The following TTC27 variants were observed in gnomAD, a reference collection of about 807,000 sequenced individuals.
TTC27 encodes tetratricopeptide repeat protein 27.
A neutral mutation model predicts 115.9 loss-of-function variants in TTC27; 79 were observed. The ratio of observed to expected loss-of-function variants is 0.68; its 90% CI spans 0.57 to 0.82. The LOEUF (loss-of-function observed/expected upper bound fraction) is 0.82, where lower values mean the gene tolerates loss of function less well. Among genes scored for constraint, TTC27 ranks in the 40% least tolerant of loss-of-function variants. The pLI, the probability that TTC27 is intolerant of heterozygous loss-of-function variation, is 0.00. For synonymous variants in TTC27, 401 were observed against 356.0 expected, an observed-to-expected ratio of 1.13 and a Z score of -1.42; for missense variants, 1,054 against 993.1, an observed-to-expected ratio of 1.06 and a Z score of -0.82.
intron 14 of TTC27, among the ~76,000 whole-genome samples, chr2:32,779,604 T>TC (rs946947946): frequency 1.3e-5 from 2 of 152,080 alleles, no homozygotes; most frequent in African/African-American, 4.8e-5. Flanking sequence ...TTTTTTTTTT[T>TC]TCTCTCTATT....
chr2:32,810,261 G>C (rs1273700242), intron 16 of TTC27, among the ~76,000 whole-genome samples: 1 of 152,198 alleles, frequency 6.6e-6, no homozygotes, highest in Non-Finnish European at 1.5e-5. Flanking sequence ...AGCGGAGTTA[G>C]AAGGTTATTA....
At chr2:32,644,584 C>CCTTTTT (rs1664777807) in intron 4 of TTC27, among the ~76,000 whole-genome samples, 1 of 151,718 alleles carries the variant, frequency 6.6e-6, no homozygotes, top group Non-Finnish European at 1.5e-5. Context: ...TGAAATTTTG[C>CCTTTTT]CTTTTTCTTT....
intron 9 of TTC27, among the ~76,000 whole-genome samples, chr2:32,682,844 GT>G (rs142030247): frequency 1.8e-5 from 1 of 56,988 alleles, no homozygotes; most frequent in Non-Finnish European, 3.0e-5. Flanking sequence ...AATTTTTATT[GT>G]TGTTTTTTTT....
chr2:32,638,596 C>T (rs568014612), intron 3 of TTC27, among the ~76,000 whole-genome samples: 1 of 152,130 alleles, frequency 6.6e-6, no homozygotes, highest in Non-Finnish European at 1.5e-5. Context: ...CCAGGCTGTT[C>T]TCGAACTCCT....
chr2:32,731,834 AAGTATCTGAG>A (rs1668302329), intron 10 of TTC27, among the ~76,000 whole-genome samples: 1 of 152,188 alleles, frequency 6.6e-6, no homozygotes, highest in Non-Finnish European at 1.5e-5. Context: ...AAAACTCCAA[AAGTATCTGAG>A]AGTATCTGAA....
chr2:32,815,387 A>G (rs543766670), intron 18 of TTC27, among the ~76,000 whole-genome samples: 23 of 151,264 alleles, frequency 1.5e-4, no homozygotes, highest in East Asian at 9.8e-4. Flanking sequence ...ACAGGCGCCC[A>G]CCACCACGCC....
intron 8 of TTC27, among the ~76,000 whole-genome samples, chr2:32,678,495 T>A (rs1666300104): frequency 6.6e-6 from 1 of 152,058 alleles, no homozygotes. Context: ...TGTCGCGATC[T>A]CGGCTCACTG....
intron 3 of TTC27, chr2:32,635,381 T>C (rs1664378510): frequency 6.5e-6 from 1 of 153,848 alleles, no homozygotes; most frequent in Admixed American, 6.6e-5. Flanking sequence ...TTACCTGGTT[T>C]CTCAGAATTA....
Position 32,658,118 on chromosome 2 carries a change from G to A in TTC27, c.641-6185G>A, listed in dbSNP as rs533092943. 3.9e-5 allele frequency among the ~76,000 whole-genome samples: 6 copies of A among 152,218 alleles called. No homozygotes were observed. The South Asian group carries it at 1.2e-3, about 32-fold the overall frequency. On this transcript the variant is annotated intron_variant, in intron 5 of 19. Coordinates refer to ENST00000317907, the MANE Select transcript of TTC27 (RefSeq NM_017735.5). ...GCTGGGATTATAGACATGAGCCACT[G>A]CACCCGGCCCTATTTAAAATTTTTT...
chr2:32,660,020 G>C (rs1054820525), intron 5 of TTC27, among the ~76,000 whole-genome samples: 1 of 151,956 alleles, frequency 6.6e-6, no homozygotes, highest in African/African-American at 2.4e-5. Context: ...TAATCCTTTG[G>C]GTGTATACCC....
chr2:32,779,337 A>G (rs946665764), intron 14 of TTC27, among the ~76,000 whole-genome samples: 4 of 152,072 alleles, frequency 2.6e-5, no homozygotes, highest in Non-Finnish European at 4.4e-5. Flanking sequence ...CTTTTTTATT[A>G]TATCTGTTCT....
chr2:32,749,542 T>C (rs949691107), intron 12 of TTC27, among the ~76,000 whole-genome samples: 3 of 152,242 alleles, frequency 2.0e-5, no homozygotes, highest in Admixed American at 1.3e-4. Context: ...AAGTCTTTGG[T>C]TAATTTTCAG....
Position 32,741,487 on chromosome 2 carries a change from C to CA in TTC27, c.1452+4686dup, listed in dbSNP as rs776432388. Among the ~76,000 whole-genome samples, 742 of 125,646 alleles carry CA rather than the reference C, an allele frequency of 5.9e-3. 2 individuals are homozygous for CA. Among genetic ancestry groups the CA allele is most frequent in the East Asian group, 7.9e-3 (35 of 4,410 alleles). 82.4% of individuals were successfully genotyped at this position (125,646 alleles called of 152,430 possible). ...TGAAACCCCATCTCTACTAAAAATACAAAAAAAAAAAAAAATTAACCGGAC... is the reference window on the plus strand; with the variant it reads ...TGAAACCCCATCTCTACTAAAAATACAAAAAAAAAAAAAAAATTAACCGGAC... On this transcript the variant is annotated intron_variant, in intron 12 of 19. Transcript: ENST00000317907.
intron 16 of TTC27, among the ~76,000 whole-genome samples, chr2:32,802,186 G>A (rs1454233140): frequency 1.3e-5 from 2 of 151,936 alleles, no homozygotes; most frequent in East Asian, 3.9e-4. Context: ...CAGATGAAAA[G>A]GCAAGTGGGC....
chr2:32,688,338 A>G (rs1024334441), intron 9 of TTC27, among the ~76,000 whole-genome samples: 4 of 152,158 alleles, frequency 2.6e-5, no homozygotes, highest in Non-Finnish European at 5.9e-5. Context: ...GTTTTCTTCA[A>G]GTAAAATTGT....
chr2:32,764,957 A>G (rs553660641), intron 13 of TTC27, among the ~76,000 whole-genome samples: 99 of 152,330 alleles, frequency 6.5e-4, no homozygotes, highest in African/African-American at 2.3e-3. Context: ...CCACACGTGT[A>G]GTGACTGCCT....
At position 32,650,175 on chromosome 2, in the gene TTC27, T is replaced by G. The variant is rs762104985; in HGVS notation, c.582T>G (p.His194Gln). 5 of 1,613,914 alleles carry G rather than the reference T, an allele frequency of 3.1e-6. No individual in the cohort carries two copies. The South Asian group carries it at 5.5e-5, about 18-fold the overall frequency. The stretch of plus-strand genomic sequence containing the variant: ...TGAGATGTGTGAATATTCATCAGCA[T>G]TTGCTTGAGGAACGCTCACCTCTGC... ...WTLRCVNIHQHLLEERSPLLF... is the reference protein window; with the variant it reads ...WTLRCVNIHQQLLEERSPLLF... The change falls in exon 5 of 20, where the codon CAT (histidine) becomes CAG (glutamine). Residue 194 changes from histidine to glutamine, a missense_variant. Physicochemically the swap from His to Gln is conservative, Grantham distance 24. Coordinates refer to ENST00000317907, the MANE Select transcript of TTC27 (RefSeq NM_017735.5).
intron 12 of TTC27, among the ~76,000 whole-genome samples, chr2:32,745,604 A>G (rs939937987): frequency 1.3e-5 from 2 of 152,192 alleles, no homozygotes; most frequent in Non-Finnish European, 2.9e-5. Context: ...CTGAAGTTGC[A>G]AACTGGCAGC....
chr2:32,800,704 T>A (rs1558350914), intron 16 of TTC27, among the ~76,000 whole-genome samples: 1 of 151,776 alleles, frequency 6.6e-6, no homozygotes, highest in African/African-American at 2.4e-5. Context: ...TTCACCGTGT[T>A]GGCCAGGATG....
Sources: allele counts gnomAD v4.1 joint callset (sites outside exome capture counted in the v4.1 genomes callset), GRCh38; gene constraint gnomAD v4.1.1; transcripts MANE v1.5; gene names NCBI Gene and HGNC (gene_info 2026-07-23, HGNC 2026-07-21).